ARPP21: variants seen among roughly 807,000 people sequenced by gnomAD.
ARPP21 encodes the protein cAMP-regulated phosphoprotein 21.
Under a neutral mutation model 113.2 loss-of-function variants are expected in ARPP21, and 69 were observed. That is an observed-to-expected ratio of 0.61 (90% CI 0.50 to 0.74). The LOEUF is 0.74. ARPP21 is among the 30% of genes least tolerant of loss of function. The pLI is 0.00. For synonymous variants in ARPP21, 368 were observed against 375.5 expected (o/e 0.98, Z 0.23); for missense variants, 1,070 against 1,037.4 (o/e 1.03, Z -0.43).
At chr3:35,664,594 G>T (rs1709338603) in intron 1 of ARPP21, among the ~76,000 whole-genome samples, 1 of 152,160 alleles carries the variant, frequency 6.6e-6, no homozygotes, top group African/African-American at 2.4e-5. Context: ...GAAACAGCCC[G>T]GGCGTTCCTA....
chr3:35,716,446 A>G (rs1257668407), intron 12 of ARPP21, among the ~76,000 whole-genome samples: 1 of 152,108 alleles, frequency 6.6e-6, no homozygotes, highest in Non-Finnish European at 1.5e-5. Flanking sequence ...TGCAGTTGGA[A>G]ATCTTCAAGT....
chr3:35,684,565 T>C (rs1361019254), intron 5 of ARPP21: 2 of 985,610 alleles, frequency 2.0e-6, no homozygotes, highest in East Asian at 2.3e-4. Flanking sequence ...GCTGAAATTG[T>C]ACTTATTTTA....
chr3:35,663,446 T>G (rs1472623060), intron 1 of ARPP21, among the ~76,000 whole-genome samples: 1 of 152,204 alleles, frequency 6.6e-6, no homozygotes, highest in Non-Finnish European at 1.5e-5. Flanking sequence ...ACTTTGAACT[T>G]TTTATTATGG....
intron 1 of ARPP21, among the ~76,000 whole-genome samples, chr3:35,668,021 A>AAGGAGAAGGAGAAGGAGAAGG (rs1254639006): frequency 7.4e-6 from 1 of 134,812 alleles, no homozygotes; most frequent in Admixed American, 7.4e-5. Context: ...GAAGAAGAAG[A>AAGGAGAAGGAGAAGGAGAAGG]AGAAGAAGAA....
intron 14 of ARPP21, among the ~76,000 whole-genome samples, chr3:35,728,215 CTTTTTT>C (rs775065085): frequency 3.8e-5 from 4 of 105,182 alleles, no homozygotes; most frequent in East Asian, 2.5e-4. Flanking sequence ...GATTCCTTGC[CTTTTTT>C]TTTTTTTTTT....
chr3:35,716,564 C>CAA (rs1246066836), intron 12 of ARPP21, among the ~76,000 whole-genome samples: 2 of 152,016 alleles, frequency 1.3e-5, no homozygotes, highest in Non-Finnish European at 2.9e-5. Flanking sequence ...TATATTTAGA[C>CAA]AAATATTCCC....
chr3:35,754,486 G>A lies in ARPP21; in HGVS notation c.2137+10521G>A, dbSNP rs553978831. ...TGGATGAATCCTTGTGGAACATGCT[G>A]TTCTGAAAATATTAGTTTGAAAAAA... On this transcript the variant is annotated intron_variant, in intron 19 of 20. Transcript: ENST00000684406. 3.9e-5 allele frequency among the ~76,000 whole-genome samples: 6 copies of A among 152,036 alleles called. No individual in the cohort carries two copies. The South Asian group carries it at 1.2e-3, about 32-fold the overall frequency.
intron 19 of ARPP21, among the ~76,000 whole-genome samples, chr3:35,784,071 A>G (rs926207490): frequency 5.3e-5 from 8 of 152,138 alleles, no homozygotes; most frequent in Admixed American, 6.6e-5. Flanking sequence ...ACAGGTGCCT[A>G]TCCAAGTGTA....
chr3:35,695,745 A>G (rs2083746373), intron 9 of ARPP21, among the ~76,000 whole-genome samples: 1 of 151,570 alleles, frequency 6.6e-6, no homozygotes, highest in Admixed American at 6.6e-5. Flanking sequence ...ATGGGCTATA[A>G]ACGAACATAA....
At chr3:35,779,043 G>A (rs1014507756) in intron 19 of ARPP21, among the ~76,000 whole-genome samples, 1 of 152,150 alleles carries the variant, frequency 6.6e-6, no homozygotes, top group African/African-American at 2.4e-5. Flanking sequence ...GAGATGGTTT[G>A]ATTCCATTTT....
At position 35,756,705 on chromosome 3, in the gene ARPP21, TTTG is replaced by T. The variant is rs148039988; in HGVS notation, c.2137+12760_2137+12762del. On this transcript the variant is annotated intron_variant, in intron 19 of 20. Transcript: ENST00000684406. ...ATGCTCTTACTGCTTTGGGGATTGTTTTGTTGTTGTTGTTGTTGTTGTAATAGG... is the reference window on the plus strand; with the variant it reads ...ATGCTCTTACTGCTTTGGGGATTGTTTTGTTGTTGTTGTTGTTGTAATAGG... Among the ~76,000 whole-genome samples the T allele has an allele frequency of 5.3e-3, 813 of 152,078 alleles. 2 individuals carry two copies. The highest frequency in any genetic ancestry group is 0.018 in the African/African-American group (753 of 41,516).
At chr3:35,777,897 C>T (rs1226365129) in intron 19 of ARPP21, among the ~76,000 whole-genome samples, 1 of 152,160 alleles carries the variant, frequency 6.6e-6, no homozygotes, top group Non-Finnish European at 1.5e-5. Flanking sequence ...TATCAATTCC[C>T]TACAAACGTT....
chr3:35,784,385 A>G (rs1209007361), intron 19 of ARPP21, among the ~76,000 whole-genome samples: 1 of 152,198 alleles, frequency 6.6e-6, no homozygotes, highest in Non-Finnish European at 1.5e-5. Context: ...GAATATTTAC[A>G]CTAGGGAAAT....
At position 35,738,320 on chromosome 3, in the gene ARPP21, T is replaced by C; in HGVS notation, c.1749+2T>C. ...TCTCCAACGCAGCACTTTCCCATGG[T>C]ACTGTATTATGTGTATATGACTTTT... On this transcript the variant is annotated splice_donor_variant, in intron 17 of 20. Transcript: ENST00000684406. LOFTEE classifies it high-confidence loss of function. The C allele has an allele frequency of 6.6e-7, 1 of 1,520,652 alleles. No homozygotes were observed. The highest frequency in any genetic ancestry group is 1.2e-5 in the South Asian group (1 of 83,726). 94.2% of individuals were successfully genotyped at this position (1,520,652 alleles called of 1,614,324 possible).
chr3:35,719,577 C>T (rs1259952907), intron 13 of ARPP21, among the ~76,000 whole-genome samples: 1 of 152,114 alleles, frequency 6.6e-6, no homozygotes, highest in African/African-American at 2.4e-5. Flanking sequence ...ACCTTCTTTA[C>T]CTAAAAGGCA....
At chr3:35,771,083 G>A (rs148043112) in intron 19 of ARPP21, among the ~76,000 whole-genome samples, 177 of 152,284 alleles carry the variant, frequency 1.2e-3, no homozygotes, top group African/African-American at 4.0e-3. Flanking sequence ...GCTCATCTGC[G>A]AGTGCCCTGG....
rs1158097285 is a variant in ARPP21, at chr3:35,683,969, TC to T, written c.261+155del. 37 of 1,321,306 alleles carry T rather than the reference TC, an allele frequency of 2.8e-5. 1 individual carries two copies. The East Asian group carries it at 8.6e-4, about 31-fold the overall frequency. 81.8% of individuals were successfully genotyped at this position (1,321,306 alleles called of 1,614,324 possible). A position where few individuals can be genotyped will look rare whatever the true frequency, so the allele number is the denominator to read the frequency against. ...GCTTTATCCCCTGCTTATGCAACAT[TC>T]TAAAATAGTTTAATGGTTTGTCACA... On this transcript the variant is annotated intron_variant, in intron 5 of 20. Transcript: ENST00000684406.
chr3:35,668,033 G>GA (rs2075332955), intron 1 of ARPP21, among the ~76,000 whole-genome samples: 2 of 110,024 alleles, frequency 1.8e-5, no homozygotes, highest in African/African-American at 7.5e-5. Context: ...GAAGAAGAAG[G>GA]AGAAGAAGAA....
At chr3:35,731,950 A>T (rs1228284437) in intron 15 of ARPP21, among the ~76,000 whole-genome samples, 2 of 152,174 alleles carry the variant, frequency 1.3e-5, no homozygotes, top group Non-Finnish European at 2.9e-5. Context: ...AGCCATACTT[A>T]GTTATTTTAT....
Sources: gnomAD v4.1 joint callset for allele counts (sites outside exome capture counted in the v4.1 genomes callset) on GRCh38, gnomAD v4.1.1 for gene constraint, MANE v1.5 for transcripts, NCBI Gene and HGNC (gene_info 2026-07-23, HGNC 2026-07-21) for gene names.